The following BCL2L11 variants were observed in gnomAD, a reference collection of about 807,000 sequenced individuals.
The protein encoded by BCL2L11 is BCL2 like 11.
Under a neutral mutation model 20.6 loss-of-function variants are expected in BCL2L11, and 15 were observed. That is an observed-to-expected ratio of 0.73 (90% CI 0.49 to 1.12). The LOEUF (loss-of-function observed/expected upper bound fraction) is 1.12. Among genes scored for constraint, BCL2L11 ranks in the 50% most tolerant of loss-of-function variants. The pLI is 0.00. For missense variants in BCL2L11, 292 were observed against 260.9 expected (o/e 1.12, Z -0.82); for synonymous variants, 108 against 92.8 (o/e 1.16, Z -0.94).
At chr2:111,133,170 A>G (rs543427677) in intron 2 of BCL2L11, among the ~76,000 whole-genome samples, 1 of 152,336 alleles carries the variant, frequency 6.6e-6, no homozygotes, top group Non-Finnish European at 1.5e-5. Flanking sequence ...TCATGAAAGT[A>G]TACTTTACTC....
At chr2:111,142,362 G>A (rs2075960795) in intron 2 of BCL2L11, 1 of 1,550,580 alleles carries the variant, frequency 6.4e-7, no homozygotes, top group Non-Finnish European at 8.7e-7. Context: ...GGGAAGTTCA[G>A]TGGCCACTCA....
intron 1 of BCL2L11, chr2:111,123,014 G>C: frequency 1.0e-6 from 1 of 984,434 alleles, no homozygotes; most frequent in Non-Finnish European, 1.2e-6. Flanking sequence ...TGCGGACCTA[G>C]TTGTAGACCT....
chr2:111,150,418 A>T (rs2077110425), intron 3 of BCL2L11: 1 of 498,206 alleles, frequency 2.0e-6, no homozygotes, highest in Non-Finnish European at 3.3e-6. Flanking sequence ...GATTATTTAT[A>T]GACTTTGAGA....
intron 3 of BCL2L11, among the ~76,000 whole-genome samples, chr2:111,152,725 C>T (rs2077392938): frequency 6.6e-6 from 1 of 152,232 alleles, no homozygotes; most frequent in African/African-American, 2.4e-5. Flanking sequence ...GATGTGATAG[C>T]AGCACCTAAC....
chr2:111,122,930 T>A (rs2071470539), intron 1 of BCL2L11: 3 of 985,264 alleles, frequency 3.0e-6, no homozygotes, highest in Non-Finnish European at 3.6e-6. Context: ...GGACGTGAGT[T>A]TCGGTGTGAT....
At chr2:111,124,944 G>A (rs1430482161) in intron 2 of BCL2L11, among the ~76,000 whole-genome samples, 4 of 152,186 alleles carry the variant, frequency 2.6e-5, no homozygotes, top group African/African-American at 7.2e-5. Flanking sequence ...TTAGGTTGTA[G>A]GTTTTTATTT....
chr2:111,166,834 A>G lies in BCL2L11; in HGVS notation c.*2603A>G, dbSNP rs1051440728. The G allele has an allele frequency of 6.6e-6, 1 of 152,580 alleles. No homozygotes were observed. The allele number at this position is 152,580 out of a possible 1,614,324, so 9.5% of individuals were successfully genotyped here. ...GATTAAAAAAATATAGTGGAATACAATTGTCTGCCGTTTCCCCTTCTTAAT... is the reference window on the plus strand; with the variant it reads ...GATTAAAAAAATATAGTGGAATACAGTTGTCTGCCGTTTCCCCTTCTTAAT... On this transcript the variant is annotated 3_prime_UTR_variant, in exon 4 of 4. Transcript: ENST00000393256.
At chr2:111,154,566 C>T (rs1434800283) in intron 3 of BCL2L11, among the ~76,000 whole-genome samples, 1 of 152,170 alleles carries the variant, frequency 6.6e-6, no homozygotes, top group Non-Finnish European at 1.5e-5. Context: ...CATGATGAGA[C>T]TCAGGTTTTG....
At chr2:111,142,217 C>T in intron 2 of BCL2L11, 1 of 1,037,970 alleles carries the variant, frequency 9.6e-7, no homozygotes, top group Non-Finnish European at 1.5e-6. Flanking sequence ...CTAATGAAGA[C>T]TCTACCTCCT....
intron 2 of BCL2L11, chr2:111,128,493 A>G (rs1201284929): frequency 3.2e-6 from 4 of 1,245,336 alleles, no homozygotes; most frequent in Non-Finnish European, 4.1e-6. Context: ...TGGTAATTCT[A>G]TTTTTAATTT....
At chr2:111,154,370 G>GA (rs1266566617) in intron 3 of BCL2L11, among the ~76,000 whole-genome samples, 2 of 140,628 alleles carry the variant, frequency 1.4e-5, no homozygotes, top group African/African-American at 5.4e-5. Context: ...AAAAAAAAAA[G>GA]AAAAAATGTA....
rs1167250779 is a variant in BCL2L11, at chr2:111,165,751, G to T, written c.*1520G>T. ...GAACTCTGTAACTCTTAAAATTTTT[G>T]AAAACTCCATCGTTAAACAACTTTT... is the stretch of plus-strand genomic sequence containing the variant. On this transcript the variant is annotated 3_prime_UTR_variant, in exon 4 of 4. Coordinates refer to ENST00000393256, the MANE Select transcript of BCL2L11 (RefSeq NM_138621.5). 1.3e-5 allele frequency: 2 copies of T among 152,054 alleles called. No individual in the cohort carries two copies. Among genetic ancestry groups the T allele is most frequent in the Non-Finnish European group, 2.9e-5 (2 of 68,012 alleles). 9.4% of individuals were successfully genotyped at this position (152,054 alleles called of 1,614,324 possible). A position where few individuals can be genotyped will look rare whatever the true frequency, so the allele number is the denominator to read the frequency against.
chr2:111,127,619 A>C (rs769164722), intron 2 of BCL2L11, among the ~76,000 whole-genome samples: 1 of 152,046 alleles, frequency 6.6e-6, no homozygotes, highest in African/African-American at 2.4e-5. Flanking sequence ...TCAGACAAAT[A>C]AAGTTGAAGA....
At chr2:111,152,007 G>A in intron 3 of BCL2L11, 2 of 883,886 alleles carry the variant, frequency 2.3e-6, no homozygotes, top group East Asian at 2.7e-5. Context: ...GTGTGTGACT[G>A]GAAGTGGCTG....
intron 2 of BCL2L11, among the ~76,000 whole-genome samples, chr2:111,130,873 A>C (rs932464578): frequency 6.6e-6 from 1 of 152,222 alleles, no homozygotes; most frequent in Admixed American, 6.5e-5. Context: ...TGATCCCATG[A>C]TGTTAATTTA....
intron 3 of BCL2L11, chr2:111,153,641 G>T: frequency 9.8e-7 from 1 of 1,016,542 alleles, no homozygotes. Flanking sequence ...TCACTGTGCT[G>T]CTTTAGGATG....
intron 2 of BCL2L11, among the ~76,000 whole-genome samples, chr2:111,139,628 T>C (rs776342791): frequency 2.6e-5 from 4 of 152,218 alleles, no homozygotes; most frequent in Non-Finnish European, 5.9e-5. Context: ...GAGTGAGTTA[T>C]GGATCCTTCT....
At position 111,150,114 on chromosome 2, in the gene BCL2L11, T is replaced by C. The variant is rs724710; in HGVS notation, c.465T>C (p.Ile155=). 1,090,970 of 1,613,482 alleles carry C rather than the reference T, an allele frequency of 0.68. 373,640 individuals carry two copies. The highest frequency in any genetic ancestry group is 0.89 in the East Asian group (40,128 of 44,860). ...EIWIAQELRR[I]GDEFNAYYAR... ...GGATCGCCCAAGAGTTGCGGCGTATTGGAGACGAGTTTAACGCTTACTATG... is the reference window on the plus strand; with the variant it reads ...GGATCGCCCAAGAGTTGCGGCGTATCGGAGACGAGTTTAACGCTTACTATG... The change falls in exon 3 of 4, where the codon ATT becomes ATC. Residue 155 remains isoleucine, a synonymous_variant. Transcript: ENST00000393256.
chr2:111,130,678 A>G (rs1476663847), intron 2 of BCL2L11, among the ~76,000 whole-genome samples: 1 of 152,186 alleles, frequency 6.6e-6, no homozygotes, highest in African/African-American at 2.4e-5. Context: ...ATCCATACCT[A>G]GTCCCCAATC....
Sources: gnomAD v4.1 joint callset for allele counts (sites outside exome capture counted in the v4.1 genomes callset) on GRCh38, gnomAD v4.1.1 for gene constraint, MANE v1.5 for transcripts, NCBI Gene and HGNC (gene_info 2026-07-23, HGNC 2026-07-21) for gene names.